Variants in IQGAP1 observed in about 807,000 individuals in gnomAD.
IQGAP1 encodes the protein IQ motif containing GTPase activating protein 1, also known as ras GTPase-activating-like protein IQGAP1.
IQGAP1 carries 66 observed loss-of-function variants against 215.6 expected under a neutral mutation model. That is an observed-to-expected ratio of 0.31 (90% CI 0.25 to 0.38). IQGAP1 has a LOEUF of 0.38. Among genes scored for constraint, IQGAP1 ranks in the 10% least tolerant of loss-of-function variants. IQGAP1 has a pLI of 1.00. For missense variants in IQGAP1, 1,712 were observed against 1,997.1 expected, an observed-to-expected ratio of 0.86 and a Z score of 2.72; for synonymous variants, 772 against 728.7, an observed-to-expected ratio of 1.06 and a Z score of -0.96.
intron 30 of IQGAP1, among the ~76,000 whole-genome samples, chr15:90,485,366 G>A (rs1966112561): frequency 6.6e-6 from 1 of 152,152 alleles, no homozygotes; most frequent in South Asian, 2.1e-4. Context: ...ATTTGAACTG[G>A]CAGTAGGGTA....
chr15:90,462,123 G>A (rs532184700), intron 15 of IQGAP1, among the ~76,000 whole-genome samples: 1 of 151,820 alleles, frequency 6.6e-6, no homozygotes, highest in South Asian at 2.1e-4. Flanking sequence ...AGCCAAGATC[G>A]GGCCACTGCA....
chr15:90,483,080 G>T, intron 28 of IQGAP1: 1 of 346,660 alleles, frequency 2.9e-6, no homozygotes. Context: ...GACTTTAAGT[G>T]TGTCATTTTT....
At chr15:90,413,273 A>C (rs944195490) in intron 2 of IQGAP1, among the ~76,000 whole-genome samples, 3 of 152,188 alleles carry the variant, frequency 2.0e-5, no homozygotes, top group African/African-American at 7.2e-5. Context: ...TTTAGAGCCT[A>C]CTACTAGTTG....
chr15:90,434,243 C>T (rs1965339792), intron 5 of IQGAP1, among the ~76,000 whole-genome samples: 1 of 152,038 alleles, frequency 6.6e-6, no homozygotes, highest in Non-Finnish European at 1.5e-5. Flanking sequence ...TCAAGACCAG[C>T]CTGGCCAACA....
chr15:90,498,888 C>A (rs1194396215), intron 37 of IQGAP1, among the ~76,000 whole-genome samples: 1 of 151,472 alleles, frequency 6.6e-6, no homozygotes, highest in Non-Finnish European at 1.5e-5. Context: ...CGGCTCACTG[C>A]AACCTCCGCC....
At chr15:90,435,369 T>G (rs561208909) in intron 5 of IQGAP1, among the ~76,000 whole-genome samples, 1 of 152,240 alleles carries the variant, frequency 6.6e-6, no homozygotes, top group African/African-American at 2.4e-5. Context: ...CTAGCTACTC[T>G]GGAGGCTGAG....
At chr15:90,474,195 ATTCTCCACAGACCTCTT>A in intron 22 of IQGAP1, 62 bp downstream of exon 22, 1 of 1,411,052 alleles carries the variant, frequency 7.1e-7, no homozygotes, top group South Asian at 1.3e-5. Flanking sequence ...AGTTCAGGGT[ATTCTCCACAGACCTCTT>A]TTGTTATCCT....
intron 2 of IQGAP1, among the ~76,000 whole-genome samples, chr15:90,415,187 G>T (rs777911378): frequency 3.0e-4 from 45 of 152,268 alleles, no homozygotes; most frequent in Admixed American, 9.8e-4. Context: ...GTAAGATTGA[G>T]AAATTTTCTT....
chr15:90,411,115 A>G (rs1467723533), intron 2 of IQGAP1, among the ~76,000 whole-genome samples: 1 of 152,130 alleles, frequency 6.6e-6, no homozygotes, highest in Non-Finnish European at 1.5e-5. Flanking sequence ...TATCTAAGAA[A>G]ATCAGTTAGC....
chr15:90,482,083 C>T lies in IQGAP1; in HGVS notation c.3453C>T (p.Ser1151=). ...VTDKFLSAIV[S]SVDKIPYGMR... is the part of the protein sequence containing the mutation. The stretch of plus-strand genomic sequence containing the variant: ...ACAAGTTTCTCTCAGCCATTGTCAG[C>T]TCTGTGGACAAAATCCCGTGAGTGC... Residue 1151 remains serine, a synonymous_variant, in exon 27 of 38, where the codon AGC becomes AGT. Transcript: ENST00000268182. The T allele has an allele frequency of 6.2e-7, 1 of 1,614,246 alleles. No individual in the cohort carries two copies. The highest frequency in any genetic ancestry group is 8.5e-7 in the Non-Finnish European group (1 of 1,180,042).
chr15:90,389,818 G>T (rs952801035), intron 1 of IQGAP1, among the ~76,000 whole-genome samples: 1 of 151,548 alleles, frequency 6.6e-6, no homozygotes, highest in Non-Finnish European at 1.5e-5. Flanking sequence ...TTAGCCAGGC[G>T]TGGTGGCCCA....
rs566077213 is a variant in IQGAP1 at position 90,414,446 on chromosome 15, A to G, written c.156-11664A>G. ...TGGACTCCTGTGTCACCACTCCACTAAGACTCCCCTTACAGGAGCCAAAGA... is the reference window on the plus strand; with the variant it reads ...TGGACTCCTGTGTCACCACTCCACTGAGACTCCCCTTACAGGAGCCAAAGA... On this transcript the variant is annotated intron_variant, in intron 2 of 37. Transcript: ENST00000268182. Among the ~76,000 whole-genome samples the G allele has an allele frequency of 9.7e-4, 148 of 152,230 alleles. 1 individual carries two copies. The highest frequency in any genetic ancestry group is 3.4e-3 in the African/African-American group (140 of 41,520).
At chr15:90,393,947 C>G (rs1596244764) in intron 2 of IQGAP1, 1 of 152,162 alleles carries the variant, frequency 6.6e-6, no homozygotes, top group East Asian at 1.9e-4. Context: ...CCAGCCTGAC[C>G]AACATGGAGA....
rs528666932 is a variant in IQGAP1, at chr15:90,436,330, A to G, written c.467+2535A>G. On this transcript the variant is annotated intron_variant, in intron 5 of 37. Transcript: ENST00000268182. ...CTTGCTGGGGATACTTTATGATACC[A>G]TATACACTGTAAATAGAAATACACT... Among the ~76,000 whole-genome samples the G allele has an allele frequency of 2.5e-4, 38 of 152,318 alleles. 1 individual carries two copies. Among genetic ancestry groups the G allele is most frequent in the Admixed American group, 3.9e-4 (6 of 15,300 alleles).
intron 2 of IQGAP1, among the ~76,000 whole-genome samples, chr15:90,395,308 C>CG (rs1555433940): frequency 0.011 from 1,328 of 124,192 alleles, 19 homozygotes; most frequent in African/African-American, 0.046. Context: ...GGCTAAGGAG[C>CG]GGGGTTTTTT....
intron 33 of IQGAP1, among the ~76,000 whole-genome samples, chr15:90,491,018 T>G (rs1383555477): frequency 1.3e-5 from 2 of 152,132 alleles, no homozygotes; most frequent in Non-Finnish European, 2.9e-5. Context: ...ACCGTGTTAG[T>G]CAGGATGGTC....
At chr15:90,465,382 C>G (rs900738728) in intron 15 of IQGAP1, among the ~76,000 whole-genome samples, 1 of 152,230 alleles carries the variant, frequency 6.6e-6, no homozygotes, top group Non-Finnish European at 1.5e-5. Context: ...GTTAAAGTCT[C>G]TGGACCCCTT....
chr15:90,460,748 C>T (rs901189265), intron 15 of IQGAP1, among the ~76,000 whole-genome samples: 2 of 152,074 alleles, frequency 1.3e-5, no homozygotes, highest in African/African-American at 2.4e-5. Context: ...CTTGTAATCC[C>T]AGCACGTTGG....
intron 2 of IQGAP1, among the ~76,000 whole-genome samples, chr15:90,418,887 C>T (rs1165843892): frequency 6.6e-6 from 1 of 152,138 alleles, no homozygotes; most frequent in Non-Finnish European, 1.5e-5. Flanking sequence ...TGGCTCACGC[C>T]TGTAATCCCA....
Sources: allele counts gnomAD v4.1 joint callset (sites outside exome capture counted in the v4.1 genomes callset), GRCh38; gene constraint gnomAD v4.1.1; transcripts MANE v1.5; gene names NCBI Gene and HGNC (gene_info 2026-07-23, HGNC 2026-07-21).